Variants in JARID2 observed in about 807,000 individuals in gnomAD.
JARID2 encodes the protein jumonji and AT-rich interaction domain containing 2.
A neutral mutation model predicts 125.6 loss-of-function variants in JARID2; 21 were observed. That is an observed-to-expected ratio of 0.17 (90% CI 0.12 to 0.24). The LOEUF (loss-of-function observed/expected upper bound fraction) is 0.24. Among genes scored for constraint, JARID2 ranks in the 10% least tolerant of loss-of-function variants. JARID2 has a pLI of 1.00. For missense variants in JARID2, 1,303 were observed against 1,639.6 expected (o/e 0.79, Z 3.55); for synonymous variants, 736 against 661.6 (o/e 1.11, Z -1.73).
At chr6:15,341,902 C>T (rs1260506965) in intron 1 of JARID2, among the ~76,000 whole-genome samples, 1 of 152,052 alleles carries the variant, frequency 6.6e-6, no homozygotes, top group Non-Finnish European at 1.5e-5. Flanking sequence ...TTATTTCAAT[C>T]CTATTTAAGT....
intron 3 of JARID2, among the ~76,000 whole-genome samples, chr6:15,432,562 A>T (rs184470364): frequency 6.6e-6 from 1 of 152,200 alleles, no homozygotes; most frequent in Non-Finnish European, 1.5e-5. Context: ...CTGGGGTTCA[A>T]ATACCCTCTA....
intron 4 of JARID2, among the ~76,000 whole-genome samples, chr6:15,460,553 C>T (rs961803512): frequency 6.6e-6 from 1 of 152,208 alleles, no homozygotes; most frequent in African/African-American, 2.4e-5. Flanking sequence ...TCATTTATAG[C>T]ACTAAAGTCC....
chr6:15,282,662 T>G (rs1760801392), intron 1 of JARID2, among the ~76,000 whole-genome samples: 1 of 152,098 alleles, frequency 6.6e-6, no homozygotes, highest in African/African-American at 2.4e-5. Context: ...TGAAGTGCAA[T>G]GGCGAGATCT....
In JARID2 at chr6:15,512,231, A is replaced by C. The variant is rs552024557; in HGVS notation, c.2976A>C (p.Lys992Asn). 1 of 1,614,082 alleles carries C rather than the reference A, an allele frequency of 6.2e-7. No homozygotes were observed. Among genetic ancestry groups the C allele is most frequent in the South Asian group, 1.1e-5 (1 of 91,066 alleles). ...NVMISPEVLC[K>N]EGIKVHRTVQ... ...AGATCTCCCCGGAGGTGCTGTGCAAAGAGGGGATCAAGGTGCACAGGACCG... is the reference window on the plus strand; with the variant it reads ...AGATCTCCCCGGAGGTGCTGTGCAACGAGGGGATCAAGGTGCACAGGACCG... The change falls in exon 14 of 18, where the codon AAA becomes AAC. Residue 992 changes from lysine (K) to asparagine (N), a missense_variant. Transcript: ENST00000341776.
At chr6:15,467,767 C>T (rs1039746452) in intron 4 of JARID2, among the ~76,000 whole-genome samples, 4 of 152,028 alleles carry the variant, frequency 2.6e-5, no homozygotes, top group Admixed American at 6.6e-5. Context: ...GAGCTGTGAT[C>T]GCGCCACTGC....
chr6:15,340,012 T>C (rs1763015921), intron 1 of JARID2, among the ~76,000 whole-genome samples: 1 of 151,998 alleles, frequency 6.6e-6, no homozygotes, highest in African/African-American at 2.4e-5. Context: ...CAGGCTGCAG[T>C]GCAGTGGTGT....
chr6:15,323,567 T>C lies in JARID2; in HGVS notation c.46-50550T>C, dbSNP rs142343071. 3.9e-5 allele frequency among the ~76,000 whole-genome samples: 6 copies of C among 152,344 alleles called. No individual in the cohort carries two copies. In the East Asian group the frequency reaches 1.2e-3, roughly 29 times the overall value. The stretch of plus-strand genomic sequence containing the variant: ...ATACTGAGGTACTAGGGGTTTGGAC[T>C]TAAGCATAAGACTTTTTAGGGGACA... On this transcript the variant is annotated intron_variant, in intron 1 of 17. Coordinates refer to ENST00000341776, the MANE Select transcript of JARID2 (RefSeq NM_004973.4).
chr6:15,492,866 C>T (rs1045117291), intron 6 of JARID2, among the ~76,000 whole-genome samples: 1 of 151,908 alleles, frequency 6.6e-6, no homozygotes, highest in Non-Finnish European at 1.5e-5. Context: ...TATGGGCATG[C>T]GTGTGTGATA....
intron 3 of JARID2, among the ~76,000 whole-genome samples, chr6:15,433,416 G>GTGTGTA (rs1039743209): frequency 1.0e-5 from 1 of 96,112 alleles, no homozygotes; most frequent in Non-Finnish European, 2.5e-5. Flanking sequence ...CTCTCTGTGT[G>GTGTGTA]TGTGTGTGTG....
At chr6:15,428,862 C>T (rs1026199719) in intron 3 of JARID2, among the ~76,000 whole-genome samples, 8 of 150,120 alleles carry the variant, frequency 5.3e-5, no homozygotes, top group Non-Finnish European at 1.0e-4. Flanking sequence ...GTTGAGATAG[C>T]ACCACTGCAC....
intron 2 of JARID2, among the ~76,000 whole-genome samples, chr6:15,386,993 C>T (rs895796641): frequency 2.6e-5 from 4 of 152,206 alleles, no homozygotes; most frequent in Admixed American, 2.0e-4. Flanking sequence ...TCACCTTTCT[C>T]GTATAGCACA....
intron 1 of JARID2, among the ~76,000 whole-genome samples, chr6:15,303,075 G>A (rs1234616288): frequency 6.6e-6 from 1 of 152,160 alleles, no homozygotes; most frequent in Non-Finnish European, 1.5e-5. Flanking sequence ...AATGACACAG[G>A]ATTTTGAGTA....
chr6:15,269,279 G>A (rs903101001), intron 1 of JARID2, among the ~76,000 whole-genome samples: 5 of 152,132 alleles, frequency 3.3e-5, no homozygotes, highest in Non-Finnish European at 7.3e-5. Context: ...TTCTTGTTGG[G>A]GGGGGCGGAA....
At chr6:15,318,831 G>T (rs1199582232) in intron 1 of JARID2, among the ~76,000 whole-genome samples, 1 of 152,186 alleles carries the variant, frequency 6.6e-6, no homozygotes, top group Non-Finnish European at 1.5e-5. Flanking sequence ...AGGGTGGTGT[G>T]GGGTAGGCGA....
intron 1 of JARID2, among the ~76,000 whole-genome samples, chr6:15,336,840 A>G (rs1762895563): frequency 6.6e-6 from 1 of 151,636 alleles, no homozygotes; most frequent in Non-Finnish European, 1.5e-5. Flanking sequence ...GAGCCACTGT[A>G]TTTTTTCACT....
chr6:15,277,627 T>C (rs1760579452), intron 1 of JARID2, among the ~76,000 whole-genome samples: 1 of 152,142 alleles, frequency 6.6e-6, no homozygotes, highest in African/African-American at 2.4e-5. Context: ...AAGGTACCTG[T>C]TGAAAATGAC....
intron 1 of JARID2, chr6:15,248,883 G>C (rs990585008): frequency 1.9e-5 from 19 of 985,030 alleles, no homozygotes; most frequent in Middle Eastern, 1.0e-3. Flanking sequence ...CCGCAGAGCC[G>C]GGCTGCGGCG....
At chr6:15,439,780 T>C (rs939929037) in intron 3 of JARID2, among the ~76,000 whole-genome samples, 1 of 152,192 alleles carries the variant, frequency 6.6e-6, no homozygotes, top group African/African-American at 2.4e-5. Context: ...ACAAGCCAGC[T>C]TCATTGGATG....
At chr6:15,463,252 T>TTTG (rs1768538826) in intron 4 of JARID2, among the ~76,000 whole-genome samples, 1 of 152,012 alleles carries the variant, frequency 6.6e-6, no homozygotes, top group South Asian at 2.1e-4. Flanking sequence ...ACATACAGCT[T>TTTG]TTGTTGGTTA....
Sources: gnomAD v4.1 joint callset for allele counts (sites outside exome capture counted in the v4.1 genomes callset) on GRCh38, gnomAD v4.1.1 for gene constraint, MANE v1.5 for transcripts, NCBI Gene and HGNC (gene_info 2026-07-23, HGNC 2026-07-21) for gene names.